Variants in ATP8B1 observed in about 807,000 individuals in gnomAD.
The protein encoded by ATP8B1 is ATPase phospholipid transporting 8B1, also known as phospholipid-transporting ATPase IC.
ATP8B1 carries 80 observed loss-of-function variants against 149.9 expected under a neutral mutation model. The observed-to-expected ratio is 0.53, with a 90% CI of 0.45 to 0.64. The LOEUF is 0.64. Among genes scored for constraint, ATP8B1 ranks in the 30% least tolerant of loss-of-function variants. The probability of loss-of-function intolerance (pLI) is 0.00; values close to 1 mark genes in which losing one functional copy is unlikely to be tolerated. For synonymous variants in ATP8B1, 536 were observed against 562.8 expected, an observed-to-expected ratio of 0.95 and a Z score of 0.67; for missense variants, 1,247 against 1,552.6, an observed-to-expected ratio of 0.80 and a Z score of 3.31.
At chr18:57,736,019 T>C (rs2079851114) in intron 1 of ATP8B1, among the ~76,000 whole-genome samples, 1 of 84,686 alleles carries the variant, frequency 1.2e-5, no homozygotes, top group South Asian at 4.4e-4. Flanking sequence ...TTCCCCTCCC[T>C]GTGTTCATGT....
At chr18:57,671,002 TACTC>T (rs774519956) in intron 17 of ATP8B1, among the ~76,000 whole-genome samples, 8 of 152,172 alleles carry the variant, frequency 5.3e-5, no homozygotes, top group Non-Finnish European at 1.0e-4. Flanking sequence ...AGACACCAAA[TACTC>T]AATCAGTTGA....
chr18:57,768,405 A>G (rs1437525211), intron 1 of ATP8B1, among the ~76,000 whole-genome samples: 22 of 140,760 alleles, frequency 1.6e-4, no homozygotes, highest in East Asian at 5.9e-4. Context: ...AAAAAAAAAA[A>G]AAAAAGAAAA....
At chr18:57,667,979 A>T in intron 19 of ATP8B1, 1 of 1,040,920 alleles carries the variant, frequency 9.6e-7, no homozygotes, top group Non-Finnish European at 1.3e-6. Context: ...TTCTAAAGTT[A>T]AAAAATTAAA....
intron 1 of ATP8B1, among the ~76,000 whole-genome samples, chr18:57,787,483 GCGGGAGGAGC>G (rs1230338716): frequency 1.3e-5 from 2 of 151,886 alleles, no homozygotes; most frequent in Admixed American, 6.6e-5. Flanking sequence ...CTAGAACACT[GCGGGAGGAGC>G]TCCATCTAGA....
At position 57,701,265 on chromosome 18, in the gene ATP8B1, G is replaced by A. The variant is rs754755282; in HGVS notation, c.442C>T (p.Leu148=). Residue 148 remains leucine (L), a synonymous_variant, in exon 5 of 28, where the codon CTG becomes TTG. Coordinates refer to ENST00000648908, the MANE Select transcript of ATP8B1 (RefSeq NM_001374385.1). ...GCAGTGACGCCCAGCACCACAAGCA[G>A]GGGCACTAGTGTGGTGTACCAAGCC... The part of the protein sequence containing the change: ...TLAWYTTLVP[L]LVVLGVTAIK... 2 of 1,614,096 alleles carry A rather than the reference G, an allele frequency of 1.2e-6. No homozygotes were observed. The highest frequency in any genetic ancestry group is 4.5e-5 in the East Asian group (2 of 44,894).
At chr18:57,772,773 A>G (rs1478196551) in intron 1 of ATP8B1, among the ~76,000 whole-genome samples, 1 of 152,102 alleles carries the variant, frequency 6.6e-6, no homozygotes, top group African/African-American at 2.4e-5. Context: ...AGTAACAGGG[A>G]CGATGAGGAC....
intron 2 of ATP8B1, among the ~76,000 whole-genome samples, chr18:57,719,117 CA>C (rs1161520513): frequency 2.6e-5 from 4 of 152,132 alleles, no homozygotes; most frequent in South Asian, 4.1e-4. Flanking sequence ...AAGACTCCAC[CA>C]AAAAACTATC....
At chr18:57,761,637 T>A (rs983866702) in intron 1 of ATP8B1, among the ~76,000 whole-genome samples, 1 of 151,696 alleles carries the variant, frequency 6.6e-6, no homozygotes, top group Non-Finnish European at 1.5e-5. Context: ...ATTCTATAGG[T>A]TTTTTTCTTT....
chr18:57,759,262 G>C (rs1273787887), intron 1 of ATP8B1, among the ~76,000 whole-genome samples: 1 of 151,074 alleles, frequency 6.6e-6, no homozygotes, highest in East Asian at 1.9e-4. Context: ...TACCACCCTA[G>C]GTCCTTAAAG....
intron 1 of ATP8B1, among the ~76,000 whole-genome samples, chr18:57,737,287 A>G (rs1700965564): frequency 6.6e-6 from 1 of 151,880 alleles, no homozygotes; most frequent in Non-Finnish European, 1.5e-5. Context: ...TAATTTCTTA[A>G]AGCTGTACCA....
chr18:57,752,892 C>T (rs949215282), intron 1 of ATP8B1, among the ~76,000 whole-genome samples: 1 of 152,148 alleles, frequency 6.6e-6, no homozygotes, highest in Non-Finnish European at 1.5e-5. Context: ...TAGAATCAAG[C>T]TCAGAGTTCA....
intron 1 of ATP8B1, among the ~76,000 whole-genome samples, chr18:57,792,780 C>CAA (rs112376776): frequency 1.8e-4 from 27 of 151,848 alleles, no homozygotes; most frequent in African/African-American, 6.0e-4. Context: ...TTGTTTAAAA[C>CAA]AAAAAAATCC....
chr18:57,781,953 C>G (rs898379035), intron 1 of ATP8B1, among the ~76,000 whole-genome samples: 1 of 152,176 alleles, frequency 6.6e-6, no homozygotes, highest in African/African-American at 2.4e-5. Context: ...CAGGCCACTG[C>G]ACTCCAACCT....
At chr18:57,728,442 A>C (rs1025803177) in intron 2 of ATP8B1, among the ~76,000 whole-genome samples, 2 of 152,144 alleles carry the variant, frequency 1.3e-5, no homozygotes, top group African/African-American at 4.8e-5. Context: ...GGGAAAGGAA[A>C]GAGGGATGAA....
intron 2 of ATP8B1, among the ~76,000 whole-genome samples, chr18:57,718,460 A>G (rs2079606447): frequency 6.6e-6 from 1 of 152,188 alleles, no homozygotes; most frequent in Non-Finnish European, 1.5e-5. Flanking sequence ...ATCCTACTCA[A>G]TCTATTCTAA....
chr18:57,737,650 C>T (rs1462626063), intron 1 of ATP8B1: 1 of 152,134 alleles, frequency 6.6e-6, no homozygotes, highest in East Asian at 1.9e-4. Context: ...AAGCAATCCT[C>T]CCACCTCAGC....
intron 16 of ATP8B1, among the ~76,000 whole-genome samples, chr18:57,672,916 ATATATATATATAT>A (rs1911320724): frequency 6.9e-5 from 5 of 72,296 alleles, no homozygotes; most frequent in East Asian, 6.5e-4. Context: ...ATATATATAT[ATATATATATATAT>A]ATAACATGTA....
chr18:57,758,803 G>C (rs577095474), intron 1 of ATP8B1, among the ~76,000 whole-genome samples: 4 of 152,092 alleles, frequency 2.6e-5, no homozygotes, highest in Non-Finnish European at 5.9e-5. Flanking sequence ...GCAACTGTTT[G>C]CAAGTAGAGA....
intron 17 of ATP8B1, 117 bp downstream of exon 17, chr18:57,671,351 C>T (rs1911208113): frequency 1.1e-6 from 1 of 913,248 alleles, no homozygotes; most frequent in Non-Finnish European, 1.8e-6. Flanking sequence ...TCCACCCCAA[C>T]TATTGCAAAG....
Sources: gnomAD v4.1 joint callset for allele counts (sites outside exome capture counted in the v4.1 genomes callset) on GRCh38, gnomAD v4.1.1 for gene constraint, MANE v1.5 for transcripts, NCBI Gene and HGNC (gene_info 2026-07-23, HGNC 2026-07-21) for gene names.